Variants in PDE11A observed in about 807,000 individuals in gnomAD.
PDE11A encodes phosphodiesterase 11A, also known as dual 3',5'-cyclic-AMP and -GMP phosphodiesterase 11A.
Under a neutral mutation model 100.5 loss-of-function variants are expected in PDE11A, and 100 were observed. That is an observed-to-expected ratio of 1.00 (90% CI 0.85 to 1.18). PDE11A has a LOEUF of 1.18. Ranked by LOEUF, PDE11A falls within the 50% of genes most tolerant of loss-of-function variation. PDE11A has a pLI of 0.00. For missense variants in PDE11A, 1,141 were observed against 1,152.6 expected (o/e 0.99, Z 0.15); for synonymous variants, 381 against 420.8 (o/e 0.91, Z 1.16).
At chr2:178,078,921 T>C (rs1389429438) in intron 2 of PDE11A, among the ~76,000 whole-genome samples, 1 of 151,908 alleles carries the variant, frequency 6.6e-6, no homozygotes, top group Non-Finnish European at 1.5e-5. Context: ...GCTAGGGAGG[T>C]AGAACATTTA....
At chr2:177,638,648 C>G (rs1244878859) in intron 19 of PDE11A, among the ~76,000 whole-genome samples, 1 of 152,140 alleles carries the variant, frequency 6.6e-6, no homozygotes, top group African/African-American at 2.4e-5. Flanking sequence ...GGAATATAGT[C>G]AGGTTATTTG....
At chr2:177,749,796 G>A (rs2082002912) in intron 10 of PDE11A, among the ~76,000 whole-genome samples, 1 of 152,092 alleles carries the variant, frequency 6.6e-6, no homozygotes, top group African/African-American at 2.4e-5. Context: ...ATGGTCACTA[G>A]TTTAGTTTAA....
chr2:177,705,995 A>G (rs2081273445), intron 13 of PDE11A, among the ~76,000 whole-genome samples: 3 of 152,230 alleles, frequency 2.0e-5, no homozygotes, highest in Non-Finnish European at 2.9e-5. Context: ...CTGTCCCTAG[A>G]GAAAACAGGG....
At chr2:177,919,507 T>C (rs1213516855) in intron 2 of PDE11A, among the ~76,000 whole-genome samples, 1 of 152,190 alleles carries the variant, frequency 6.6e-6, no homozygotes, top group East Asian at 1.9e-4. Context: ...GATTGTTCAA[T>C]GTTTCAAGAT....
chr2:177,767,098 G>A (rs1466156983), intron 10 of PDE11A, among the ~76,000 whole-genome samples: 2 of 152,200 alleles, frequency 1.3e-5, no homozygotes, highest in East Asian at 1.9e-4. Flanking sequence ...TCGGGAGGCT[G>A]AGGCAGGCAG....
At chr2:178,005,084 A>G (rs2086189406) in intron 2 of PDE11A, among the ~76,000 whole-genome samples, 1 of 151,810 alleles carries the variant, frequency 6.6e-6, no homozygotes, top group Non-Finnish European at 1.5e-5. Flanking sequence ...CATGAAAAAT[A>G]AATGAACTCA....
intron 19 of PDE11A, among the ~76,000 whole-genome samples, chr2:177,633,592 G>A (rs2079989424): frequency 6.6e-6 from 1 of 152,174 alleles, no homozygotes; most frequent in African/African-American, 2.4e-5. Flanking sequence ...TATTTCATAT[G>A]ATAATAAAAC....
At chr2:177,826,243 TG>T (rs2083224089) in intron 6 of PDE11A, among the ~76,000 whole-genome samples, 1 of 152,256 alleles carries the variant, frequency 6.6e-6, no homozygotes, top group Non-Finnish European at 1.5e-5. Flanking sequence ...TAATTAAAGA[TG>T]GTTTAGCTCT....
intron 5 of PDE11A, among the ~76,000 whole-genome samples, chr2:177,847,556 T>C (rs7570981): frequency 0.17 from 25,203 of 152,112 alleles, 2,666 homozygotes; most frequent in African/African-American, 0.3. Context: ...TTAGCTGCCA[T>C]GTATATAATT....
intron 2 of PDE11A, among the ~76,000 whole-genome samples, chr2:177,929,177 T>A (rs1211177789): frequency 6.6e-6 from 1 of 152,130 alleles, no homozygotes; most frequent in Non-Finnish European, 1.5e-5. Flanking sequence ...CCTCCCTCCA[T>A]TTCGGATGGC....
In PDE11A at chr2:177,629,489, T is replaced by A; in HGVS notation, c.2720A>T (p.Glu907Val). Residue 907 changes from glutamate to valine, a missense_variant, in exon 20 of 20, where the codon GAG (glutamate) becomes GTG (valine). Transcript: ENST00000286063. ...GGCCAGCAGTCGTTTTTGGTGTAGC[T>A]CTTCCCACTTACTTCTGTTTGTAGC... Reference protein sequence around the residue: ...SVATNRSKWEELHQKRLLAST... With the variant: ...SVATNRSKWEVLHQKRLLAST... 1 of 1,613,422 alleles carries A rather than the reference T, an allele frequency of 6.2e-7. No homozygotes were observed. Among genetic ancestry groups the A allele is most frequent in the South Asian group, 1.1e-5 (1 of 91,080 alleles).
At chr2:177,840,219 C>T (rs1472549534) in intron 6 of PDE11A, 32 bp downstream of exon 6, 70 of 1,612,270 alleles carry the variant, frequency 4.3e-5, no homozygotes, top group East Asian at 1.1e-4. Flanking sequence ...ACAACTGAAA[C>T]TTAGGATTGC....
In PDE11A at chr2:177,986,639, G is replaced by T. The variant is rs566871412; in HGVS notation, c.1071+27663C>A. 1.6e-4 allele frequency among the ~76,000 whole-genome samples: 24 copies of T among 152,174 alleles called. No individual in the cohort carries two copies. The South Asian group carries it at 3.5e-3, about 22-fold the overall frequency. On this transcript the variant is annotated intron_variant, in intron 2 of 19. Coordinates refer to ENST00000286063, the MANE Select transcript of PDE11A (RefSeq NM_016953.4). ...GAGGTCAAGAGTTTGAGACCAGCCTGCCCAACATGCTGAAACCCTGTCTCT... is the reference window on the plus strand; with the variant it reads ...GAGGTCAAGAGTTTGAGACCAGCCTTCCCAACATGCTGAAACCCTGTCTCT...
rs1469522170 is a variant in PDE11A, at chr2:177,631,322, A to AAAAAAAAAAAAC, written c.2647-1761_2647-1760insGTTTTTTTTTTT. Among the ~76,000 whole-genome samples, 60 of 16,848 alleles carry AAAAAAAAAAAAC rather than the reference A, an allele frequency of 3.6e-3. 4 individuals are homozygous for AAAAAAAAAAAAC. Among genetic ancestry groups the AAAAAAAAAAAAC allele is most frequent in the East Asian group, 6.3e-3 (1 of 160 alleles). The allele number at this position is 16,848 out of a possible 152,430, so 11.1% of individuals were successfully genotyped here. On this transcript the variant is annotated intron_variant, in intron 19 of 19. Transcript: ENST00000286063. ...AAAAAAAAAAAAAACAAAAAAAAAA[A>AAAAAAAAAAAAC]CAACCTAGGCGTGGTGGCACATGCC...
intron 16 of PDE11A, 80 bp from the exon 17 acceptor site, chr2:177,675,598 A>T: frequency 9.9e-7 from 1 of 1,013,526 alleles, no homozygotes; most frequent in African/African-American, 1.6e-5. Context: ...ATACATAAAT[A>T]AATAAAATAA....
At chr2:178,073,082 G>C (rs1161846660), upstream of PDE11A, 1 of 985,248 alleles carries the variant, frequency 1.0e-6, no homozygotes, top group Non-Finnish European at 1.2e-6. Context: ...AGCGTTTCGA[G>C]GAGGCCCAGC....
At chr2:177,821,052 G>A (rs930304290) in intron 6 of PDE11A, among the ~76,000 whole-genome samples, 3 of 151,800 alleles carry the variant, frequency 2.0e-5, no homozygotes, top group Admixed American at 2.0e-4. Context: ...AATACAATAG[G>A]AGAAAACAAT....
intron 6 of PDE11A, among the ~76,000 whole-genome samples, chr2:177,833,843 G>A (rs1375576628): frequency 6.6e-6 from 1 of 152,220 alleles, no homozygotes; most frequent in Admixed American, 6.5e-5. Flanking sequence ...GATCTCTGGA[G>A]AATTTCCAAC....
rs2083770483 is a variant in PDE11A at position 177,853,714 on chromosome 2, T to TTTGTG, written c.1368-13332_1368-13331insCACAA. Among the ~76,000 whole-genome samples, 50 of 16,244 alleles carry TTTGTG rather than the reference T, an allele frequency of 3.1e-3. 1 individual carries two copies. Among genetic ancestry groups the TTTGTG allele is most frequent in the African/African-American group, 8.2e-3 (48 of 5,848 alleles). The allele number at this position is 16,244 out of a possible 152,430, so 10.7% of individuals were successfully genotyped here. On this transcript the variant is annotated intron_variant, in intron 5 of 19. Coordinates refer to ENST00000286063, the MANE Select transcript of PDE11A (RefSeq NM_016953.4). ...TGTGTGTGTGTGTGTGTGTGTGTGT[T>TTTGTG]TGTGTGTGTGTGTGTGTATATCTAT...
Sources: allele counts gnomAD v4.1 joint callset (sites outside exome capture counted in the v4.1 genomes callset), GRCh38; gene constraint gnomAD v4.1.1; transcripts MANE v1.5; gene names NCBI Gene and HGNC (gene_info 2026-07-23, HGNC 2026-07-21).